RABL3: variants seen among roughly 807,000 people sequenced by gnomAD.
RABL3 encodes rab-like protein 3.
RABL3 carries 31 observed loss-of-function variants against 31.8 expected under a neutral mutation model. The ratio of observed to expected loss-of-function variants is 0.97; its 90% CI spans 0.73 to 1.31. The LOEUF (loss-of-function observed/expected upper bound fraction) is 1.31, where lower values mean the gene tolerates loss of function less well. Ranked by LOEUF, RABL3 falls within the 40% of genes most tolerant of loss-of-function variation. The pLI is 0.00. For missense variants in RABL3, 263 were observed against 279.6 expected, an observed-to-expected ratio of 0.94 and a Z score of 0.42; for synonymous variants, 97 against 99.9, an observed-to-expected ratio of 0.97 and a Z score of 0.18.
chr3:120,701,014 T>C (rs922177219), intron 4 of RABL3, among the ~76,000 whole-genome samples: 5 of 152,268 alleles, frequency 3.3e-5, no homozygotes, highest in African/African-American at 4.8e-5. Flanking sequence ...CCTACCACTG[T>C]ACCCATCCAC....
intron 2 of RABL3, among the ~76,000 whole-genome samples, chr3:120,721,645 G>A (rs1280424214): frequency 1.3e-5 from 2 of 152,152 alleles, no homozygotes; most frequent in Non-Finnish European, 2.9e-5. Flanking sequence ...AAACATATAT[G>A]CACCCAATAC....
At chr3:120,726,417 G>T (rs2107592871) in intron 2 of RABL3, among the ~76,000 whole-genome samples, 1 of 152,184 alleles carries the variant, frequency 6.6e-6, no homozygotes, top group African/African-American at 2.4e-5. Context: ...TTGAGCCTAG[G>T]AGTTGGAGAC....
upstream of RABL3, chr3:120,742,580 G>C (rs1709061769): frequency 2.0e-6 from 3 of 1,481,068 alleles, no homozygotes; most frequent in African/African-American, 1.4e-5. Context: ...ATGGAGGGCA[G>C]AGCCTTCAAT....
At chr3:120,695,424 C>G (rs1204519946) in intron 5 of RABL3, among the ~76,000 whole-genome samples, 1 of 152,018 alleles carries the variant, frequency 6.6e-6, no homozygotes, top group Non-Finnish European at 1.5e-5. Context: ...GGTACTAAAC[C>G]TTTAAATTTG....
At chr3:120,698,684 G>T in intron 4 of RABL3, 111 bp from the exon 5 acceptor site, 1 of 942,758 alleles carries the variant, frequency 1.1e-6, no homozygotes, top group Non-Finnish European at 1.6e-6. Flanking sequence ...ACTGATTTTT[G>T]CTGCCTTCAC....
chr3:120,702,083 G>A (rs1013808628), intron 4 of RABL3, among the ~76,000 whole-genome samples: 1 of 152,130 alleles, frequency 6.6e-6, no homozygotes, highest in African/African-American at 2.4e-5. Flanking sequence ...AACAAGAAAG[G>A]GGACACACGA....
At chr3:120,732,008 A>G (rs1390494498) in intron 1 of RABL3, among the ~76,000 whole-genome samples, 1 of 152,148 alleles carries the variant, frequency 6.6e-6, no homozygotes, top group Non-Finnish European at 1.5e-5. Flanking sequence ...GCAGTGAGCT[A>G]TGATCACACT....
At chr3:120,724,244 G>A (rs2107591318) in intron 2 of RABL3, among the ~76,000 whole-genome samples, 1 of 152,306 alleles carries the variant, frequency 6.6e-6, no homozygotes, top group Admixed American at 6.5e-5. Context: ...ACTTACAAGG[G>A]ATGTGAAGGA....
intron 1 of RABL3, 55 bp downstream of exon 1, chr3:120,742,407 G>A: frequency 1.3e-6 from 2 of 1,547,518 alleles, no homozygotes; most frequent in South Asian, 1.1e-5. Flanking sequence ...TAAGGGGAGG[G>A]TTACTGGGTA....
At position 120,713,649 on chromosome 3, in the gene RABL3, C is replaced by T. The variant is rs541454983; in HGVS notation, c.139-3740G>A. Among the ~76,000 whole-genome samples the T allele has an allele frequency of 2.0e-5, 3 of 152,286 alleles. No homozygotes were observed. In the South Asian group the frequency reaches 6.2e-4, roughly 32 times the overall value. ...CTTAACAATAAAGGAAGCAACAGTA[C>T]AGCTGATCATCAAATGGAAAAAGGA... On this transcript the variant is annotated intron_variant, in intron 2 of 7. Coordinates refer to ENST00000273375, the MANE Select transcript of RABL3 (RefSeq NM_173825.5).
In RABL3 at chr3:120,684,963, C is replaced by T. The variant is rs2320009; in HGVS notation, c.*4860G>A. Among the ~76,000 whole-genome samples the T allele has an allele frequency of 0.7, 107,024 of 152,164 alleles. 37,744 individuals are homozygous for T. The highest frequency in any genetic ancestry group is 0.76 in the Admixed American group (11,634 of 15,298). ...TTCTGATTCTATGTCTAATGGCTTT[C>T]CATTTTAATTAATGTAATTATACAT... On this transcript the variant is annotated 3_prime_UTR_variant, in exon 8 of 8. Coordinates refer to ENST00000273375, the MANE Select transcript of RABL3 (RefSeq NM_173825.5).
rs532764449 is a variant in RABL3 at position 120,712,426 on chromosome 3, GT to G, written c.139-2518del. Among the ~76,000 whole-genome samples, 146 of 152,234 alleles carry G rather than the reference GT, an allele frequency of 9.6e-4. 2 individuals carry two copies. Among genetic ancestry groups the G allele is most frequent in the African/African-American group, 2.9e-3 (121 of 41,552 alleles). On this transcript the variant is annotated intron_variant, in intron 2 of 7. Coordinates refer to ENST00000273375, the MANE Select transcript of RABL3 (RefSeq NM_173825.5). ...GTTAAACCAAGCAGAAAAAACATAT[GT>G]TTTAGCAAGATTTCTAAGCAAAACA...
chr3:120,689,775 G>A lies in RABL3; in HGVS notation c.*48C>T, dbSNP rs776761198. 14 of 1,290,926 alleles carry A rather than the reference G, an allele frequency of 1.1e-5. No individual in the cohort carries two copies. The highest frequency in any genetic ancestry group is 1.5e-5 in the African/African-American group (1 of 68,578). The allele number at this position is 1,290,926 out of a possible 1,614,324, so 80.0% of individuals were successfully genotyped here. A position where few individuals can be genotyped will look rare whatever the true frequency, so the allele number is the denominator to read the frequency against. On this transcript the variant is annotated 3_prime_UTR_variant, in exon 8 of 8. Transcript: ENST00000273375. ...ATAATTGAACACAGCAAGATGAGCT[G>A]TGAAAAACTGCCACTGCTTGCTCAC...
chr3:120,742,633 C>A, upstream of RABL3: 2 of 924,480 alleles, frequency 2.2e-6, no homozygotes, highest in African/African-American at 1.6e-5. Flanking sequence ...TCGAAGGTTT[C>A]ACTGAACTCA....
At chr3:120,723,163 A>C (rs929597592) in intron 2 of RABL3, among the ~76,000 whole-genome samples, 4 of 152,084 alleles carry the variant, frequency 2.6e-5, no homozygotes, top group African/African-American at 9.7e-5. Context: ...GAGAATACTA[A>C]AAACACCTGT....
chr3:120,735,007 T>C (rs1354374299), intron 1 of RABL3, among the ~76,000 whole-genome samples: 1 of 152,208 alleles, frequency 6.6e-6, no homozygotes, highest in Non-Finnish European at 1.5e-5. Flanking sequence ...AAAATTCTCT[T>C]TTTTTGTTGT....
intron 4 of RABL3, among the ~76,000 whole-genome samples, chr3:120,703,866 T>G (rs912874847): frequency 6.6e-6 from 1 of 152,090 alleles, no homozygotes; most frequent in Admixed American, 6.6e-5. Context: ...CAAGATGAAA[T>G]AAATAACTTG....
At chr3:120,702,794 T>TGA (rs1387959036) in intron 4 of RABL3, among the ~76,000 whole-genome samples, 1 of 152,094 alleles carries the variant, frequency 6.6e-6, no homozygotes, top group Non-Finnish European at 1.5e-5. Flanking sequence ...CCTGACCTCA[T>TGA]GATCCGCCCG....
chr3:120,698,633 T>C, intron 4 of RABL3, 60 bp from the exon 5 acceptor site: 1 of 1,387,076 alleles, frequency 7.2e-7, no homozygotes, highest in South Asian at 1.4e-5. Context: ...AGATGTGTAA[T>C]ATTTAAGTGC....
Sources: allele counts gnomAD v4.1 joint callset (sites outside exome capture counted in the v4.1 genomes callset), GRCh38; gene constraint gnomAD v4.1.1; transcripts MANE v1.5; gene names NCBI Gene and HGNC (gene_info 2026-07-23, HGNC 2026-07-21).